ITGB3BP: variants seen among roughly 807,000 people sequenced by gnomAD.
The protein encoded by ITGB3BP is integrin subunit beta 3 binding protein.
A neutral mutation model predicts 29.1 loss-of-function variants in ITGB3BP; 27 were observed. The observed-to-expected ratio is 0.93, with a 90% CI of 0.68 to 1.28. The LOEUF is 1.28. Ranked by LOEUF, ITGB3BP falls within the 50% of genes most tolerant of loss-of-function variation. The pLI, the probability that ITGB3BP is intolerant of heterozygous loss-of-function variation, is 0.00. For synonymous variants in ITGB3BP, 61 were observed against 61.4 expected (o/e 0.99, Z 0.03); for missense variants, 192 against 200.2 (o/e 0.96, Z 0.25).
intron 8 of ITGB3BP, among the ~76,000 whole-genome samples, chr1:63,443,990 T>C (rs1644759562): frequency 6.6e-6 from 1 of 151,986 alleles, no homozygotes; most frequent in Admixed American, 6.5e-5. Flanking sequence ...AAGGAGATAA[T>C]GAAGGAAATG....
rs761651420 is a variant in ITGB3BP at position 63,490,144 on chromosome 1, C to A, written c.123G>T (p.Met41Ile). 1 of 1,607,460 alleles carries A rather than the reference C, an allele frequency of 6.2e-7. No individual in the cohort carries two copies. The highest frequency in any genetic ancestry group is 1.1e-5 in the South Asian group (1 of 90,766). The change falls in exon 3 of 9, where the codon ATG (methionine) becomes ATT (isoleucine). Residue 41 changes from methionine to isoleucine, a missense_variant. By Grantham distance (10) the Met-to-Ile change is conservative. Transcript: ENST00000271002. ...AACTTGTGGGAGAAGCAAATAGACT[C>A]ATTTGACAAGTTCCAGTTGTTGGAG... ...TYSPTTGTCQ[M>I]SLFASPTSSE...
At chr1:63,471,514 G>A (rs765537290) in intron 4 of ITGB3BP, among the ~76,000 whole-genome samples, 16 of 151,900 alleles carry the variant, frequency 1.1e-4, no homozygotes, top group Non-Finnish European at 2.4e-4. Flanking sequence ...GCCTCCCAAA[G>A]TGCTGGGATT....
intron 2 of ITGB3BP, among the ~76,000 whole-genome samples, chr1:63,500,796 T>C (rs766206732): frequency 2.0e-5 from 3 of 152,144 alleles, no homozygotes; most frequent in Non-Finnish European, 4.4e-5. Flanking sequence ...CCAAAATTCA[T>C]ATGGAATTAC....
intron 1 of ITGB3BP, among the ~76,000 whole-genome samples, chr1:63,518,978 A>C (rs1229849185): frequency 2.6e-5 from 4 of 152,112 alleles, no homozygotes; most frequent in Admixed American, 2.6e-4. Context: ...AAAGAGAAGA[A>C]TCTTGCAACA....
At chr1:63,447,479 C>T in intron 7 of ITGB3BP, 2 of 440,350 alleles carry the variant, frequency 4.5e-6, no homozygotes, top group Admixed American at 5.1e-5. Context: ...TGTAACCAGG[C>T]AATTACAATG....
chr1:63,512,414 A>AC (rs962699363), intron 1 of ITGB3BP, among the ~76,000 whole-genome samples: 11 of 152,202 alleles, frequency 7.2e-5, no homozygotes, highest in African/African-American at 2.4e-4. Flanking sequence ...GGAAAAAAAA[A>AC]CCCTATCATT....
chr1:63,466,273 T>C (rs1199432673), intron 4 of ITGB3BP, among the ~76,000 whole-genome samples: 1 of 152,240 alleles, frequency 6.6e-6, no homozygotes, highest in Non-Finnish European at 1.5e-5. Flanking sequence ...AATACGTTTA[T>C]TCAGTTCTGA....
intron 3 of ITGB3BP, among the ~76,000 whole-genome samples, chr1:63,479,284 A>G (rs1645396885): frequency 6.6e-6 from 1 of 152,152 alleles, no homozygotes; most frequent in Non-Finnish European, 1.5e-5. Flanking sequence ...TCGTAATATC[A>G]TTGTAAAATA....
At chr1:63,510,254 CTT>C in intron 1 of ITGB3BP, 2 of 409,812 alleles carry the variant, frequency 4.9e-6, no homozygotes, top group Non-Finnish European at 8.7e-6. Context: ...ATTTCTTATC[CTT>C]TGTTTCTAAA....
intron 3 of ITGB3BP, among the ~76,000 whole-genome samples, chr1:63,486,180 G>T (rs552979463): frequency 1.9e-4 from 29 of 152,040 alleles, no homozygotes; most frequent in African/African-American, 6.7e-4. Flanking sequence ...CTATTGTCCA[G>T]TTAACAAGTA....
chr1:63,523,210 G>C lies in ITGB3BP; in HGVS notation c.-77C>G, dbSNP rs892208295. On this transcript the variant is annotated 5_prime_UTR_variant, in exon 1 of 9. Coordinates refer to ENST00000271002, the MANE Select transcript of ITGB3BP (RefSeq NM_014288.5). ...TTCCGAAAACAGAAAATCCGCCAAA[G>C]GAAACGCCAAGGCATGAAAAGCGCG... 15 of 1,603,798 alleles carry C rather than the reference G, an allele frequency of 9.4e-6. No individual in the cohort carries two copies. Among genetic ancestry groups the C allele is most frequent in the Non-Finnish European group, 1.2e-5 (14 of 1,172,516 alleles).
upstream of ITGB3BP, among the ~76,000 whole-genome samples, chr1:63,524,536 T>C (rs1310496514): frequency 6.6e-6 from 1 of 152,212 alleles, no homozygotes; most frequent in Non-Finnish European, 1.5e-5. Context: ...ATGCAATGAG[T>C]CCTGAAGGGG....
upstream of ITGB3BP, among the ~76,000 whole-genome samples, chr1:63,527,505 T>G (rs1644761271): frequency 1.1e-5 from 1 of 94,706 alleles, no homozygotes; most frequent in Non-Finnish European, 2.1e-5. Flanking sequence ...GTTCCTTTTT[T>G]GTCAATTTAT....
intron 2 of ITGB3BP, among the ~76,000 whole-genome samples, chr1:63,503,726 C>T (rs200930518): frequency 0.15 from 22,709 of 152,078 alleles, 2,205 homozygotes; most frequent in South Asian, 0.22. Context: ...CAGCTTTCTA[C>T]GTATGGCTAG....
At chr1:63,503,046 G>T (rs1027762417) in intron 2 of ITGB3BP, among the ~76,000 whole-genome samples, 38 of 152,030 alleles carry the variant, frequency 2.5e-4, no homozygotes, top group Non-Finnish European at 2.1e-4. Context: ...GGGATTGCTG[G>T]GTCAAATGGT....
At chr1:63,517,207 A>G (rs1646352229) in intron 1 of ITGB3BP, among the ~76,000 whole-genome samples, 1 of 151,980 alleles carries the variant, frequency 6.6e-6, no homozygotes, top group African/African-American at 2.4e-5. Flanking sequence ...TTAAAAAGAA[A>G]TGTTTGTTAG....
intron 3 of ITGB3BP, among the ~76,000 whole-genome samples, chr1:63,486,354 C>A (rs1422691556): frequency 6.6e-6 from 1 of 151,866 alleles, no homozygotes; most frequent in Non-Finnish European, 1.5e-5. Context: ...GTGCCAAATC[C>A]CCCATGTAGT....
intron 1 of ITGB3BP, among the ~76,000 whole-genome samples, chr1:63,515,640 A>G (rs1162113659): frequency 6.6e-6 from 1 of 151,924 alleles, no homozygotes; most frequent in Non-Finnish European, 1.5e-5. Context: ...AGCCTGATCA[A>G]TATGGTGAAA....
chr1:63,494,202 C>T lies in ITGB3BP; in HGVS notation c.49-3984G>A, dbSNP rs188404144. Among the ~76,000 whole-genome samples the T allele has an allele frequency of 1.3e-4, 20 of 152,034 alleles. No homozygotes were observed. In the East Asian group the frequency reaches 3.3e-3, roughly 25 times the overall value. On this transcript the variant is annotated intron_variant, in intron 2 of 8. Transcript: ENST00000271002. Reference sequence around the variant, plus strand: ...TCTTCCGGACTGGAGTGCAGTGGCACGGTCTTGGCTCACTGCAACCTCTGC... The same window carrying T: ...TCTTCCGGACTGGAGTGCAGTGGCATGGTCTTGGCTCACTGCAACCTCTGC...
Sources: allele counts gnomAD v4.1 joint callset (sites outside exome capture counted in the v4.1 genomes callset), GRCh38; gene constraint gnomAD v4.1.1; transcripts MANE v1.5; gene names NCBI Gene and HGNC (gene_info 2026-07-23, HGNC 2026-07-21).